The following MBD6 variants were observed in gnomAD, a reference collection of about 807,000 sequenced individuals.
The protein encoded by MBD6 is methyl-CpG binding domain protein 6, also known as methyl-CpG-binding domain protein 6.
Under a neutral mutation model 66.8 loss-of-function variants are expected in MBD6, and 22 were observed. That is an observed-to-expected ratio of 0.33 (90% CI 0.24 to 0.47). MBD6 has a LOEUF of 0.47. MBD6 is among the 20% of genes least tolerant of loss of function. The pLI, the probability that MBD6 is intolerant of heterozygous loss-of-function variation, is 1.00. For synonymous variants in MBD6, 540 were observed against 534.6 expected (o/e 1.01, Z -0.14); for missense variants, 1,322 against 1,286.9 (o/e 1.03, Z -0.42).
chr12:57,524,623 C>T lies in MBD6; in HGVS notation c.114-97C>T, dbSNP rs1378189525. 5.8e-6 allele frequency: 7 copies of T among 1,208,894 alleles called. No individual in the cohort carries two copies. In the African/African-American group the frequency reaches 6.0e-5, roughly 10 times the overall value. 74.9% of individuals were successfully genotyped at this position (1,208,894 alleles called of 1,614,324 possible). A position where few individuals can be genotyped will look rare whatever the true frequency, so the allele number is the denominator to read the frequency against. On this transcript the variant is annotated intron_variant, in intron 3 of 12. Coordinates refer to ENST00000355673, the MANE Select transcript of MBD6 (RefSeq NM_052897.4). ...CTTCCCACATTCCTTATCCTCTGTT[C>T]TTCTAGGAGGATCTGTAACTTAAGC...
chr12:57,528,185 C>G lies in MBD6; in HGVS notation c.2445C>G (p.Pro815=). ...AGCCAGAAGCCCCCTGTCTACCCCC[C>G]GAGAGCCCTGCCTCAGCCCTCGAAC... The part of the protein sequence containing the change: ...PEQPEAPCLP[P]ESPASALEPE... Residue 815 remains proline, a synonymous_variant, in exon 10 of 13, where the codon CCC becomes CCG. Coordinates refer to ENST00000355673, the MANE Select transcript of MBD6 (RefSeq NM_052897.4). 2 of 1,611,056 alleles carry G rather than the reference C, an allele frequency of 1.2e-6. No homozygotes were observed. The highest frequency in any genetic ancestry group is 1.7e-6 in the Non-Finnish European group (2 of 1,179,016).
chr12:57,524,862 C>G, intron 4 of MBD6, 40 bp downstream of exon 4: 1 of 1,613,234 alleles, frequency 6.2e-7, no homozygotes, highest in Non-Finnish European at 8.5e-7. Context: ...CAGAGATAAG[C>G]TAAAAGTCTT....
rs1026593616 is a variant in MBD6 at position 57,527,212 on chromosome 12, G to A, written c.2067G>A (p.Ser689=). The part of the protein sequence containing the change: ...ALLAATLDPP[S]GTPPQPCVLS... ...TGGCTGCCACCCTGGATCCCCCCTC[G>A]GGGACACCCCCCCAGGTGAGGATGG... is the stretch of plus-strand genomic sequence containing the variant. Residue 689 remains serine (S), a synonymous_variant, in exon 7 of 13, where the codon TCG becomes TCA. Transcript: ENST00000355673. 5 of 1,510,894 alleles carry A rather than the reference G, an allele frequency of 3.3e-6. No individual in the cohort carries two copies. Among genetic ancestry groups the A allele is most frequent in the Non-Finnish European group, 2.7e-6 (3 of 1,131,380 alleles). 93.6% of individuals were successfully genotyped at this position (1,510,894 alleles called of 1,614,324 possible).
chr12:57,528,961 C>T lies in MBD6; in HGVS notation c.2889C>T (p.Ser963=). Residue 963 remains serine (S), a synonymous_variant, in exon 12 of 13, where the codon AGC becomes AGT. Transcript: ENST00000355673. The part of the protein sequence containing the change: ...RRRKYNPTRN[S]NSSRQDITLE... ...CTTATTGCAGCCCTACCCGGAACAG[C>T]AATAGCTCCCGCCAGGACATTACCT... The T allele has an allele frequency of 6.2e-7, 1 of 1,614,148 alleles. No homozygotes were observed. Among genetic ancestry groups the T allele is most frequent in the Non-Finnish European group, 8.5e-7 (1 of 1,180,032 alleles).
Position 57,527,831 on chromosome 12 carries a change from C to G in MBD6, c.2237-17C>G. ...GGTTTGCCTAGGGAGAGACCCCTGA[C>G]TATAATTTCTCAACAGGTGACCTGT... On this transcript the variant is annotated splice_polypyrimidine_tract_variant and intron_variant, in intron 8 of 12. Coordinates refer to ENST00000355673, the MANE Select transcript of MBD6 (RefSeq NM_052897.4). 1 of 1,611,810 alleles carries G rather than the reference C, an allele frequency of 6.2e-7. No individual in the cohort carries two copies. Among genetic ancestry groups the G allele is most frequent in the Non-Finnish European group, 8.5e-7 (1 of 1,179,458 alleles).
Position 57,527,537 on chromosome 12 carries a change from C to G in MBD6, c.2113C>G (p.Pro705Ala), listed in dbSNP as rs1334877741. 1.2e-6 allele frequency: 2 copies of G among 1,614,160 alleles called. No homozygotes were observed. Among genetic ancestry groups the G allele is most frequent in the Non-Finnish European group, 1.7e-6 (2 of 1,180,026 alleles). Reference protein sequence around the residue: ...PCVLSAPQPGPPTSSVTTATT... With the variant: ...PCVLSAPQPGAPTSSVTTATT... ...TGTCCTGAGTGCCCCCCAACCTGGA[C>G]CACCTACCTCCAGTGTCACCACGGC... The change falls in exon 8 of 13, where the codon CCA (proline) becomes GCA (alanine). Residue 705 changes from proline to alanine, a missense_variant. Coordinates refer to ENST00000355673, the MANE Select transcript of MBD6 (RefSeq NM_052897.4).
At chr12:57,528,755 T>C (rs376429791) in intron 11 of MBD6, 37 bp downstream of exon 11, 1 of 1,613,318 alleles carries the variant, frequency 6.2e-7, no homozygotes, top group Non-Finnish European at 8.5e-7. Flanking sequence ...GGCCTTTGCC[T>C]ACTTCTTTTT....
chr12:57,524,610 C>G lies in MBD6; in HGVS notation c.114-110C>G, dbSNP rs760839928. The G allele has an allele frequency of 1.2e-5, 14 of 1,164,846 alleles. 1 individual carries two copies. The South Asian group carries it at 1.8e-4, about 15-fold the overall frequency. 72.2% of individuals were successfully genotyped at this position (1,164,846 alleles called of 1,614,324 possible). A position where few individuals can be genotyped will look rare whatever the true frequency, so the allele number is the denominator to read the frequency against. On this transcript the variant is annotated intron_variant, in intron 3 of 12. Transcript: ENST00000355673. Reference sequence around the variant, plus strand: ...CCTTTTTCTGTGTCTTCCCACATTCCTTATCCTCTGTTCTTCTAGGAGGAT... The same window carrying G: ...CCTTTTTCTGTGTCTTCCCACATTCGTTATCCTCTGTTCTTCTAGGAGGAT...
chr12:57,526,245 C>T lies in MBD6; in HGVS notation c.1277C>T (p.Ser426Phe), dbSNP rs765647683. Residue 426 changes from serine to phenylalanine, a missense_variant, in exon 6 of 13, where the codon TCT becomes TTT. Transcript: ENST00000355673. The stretch of plus-strand genomic sequence containing the variant: ...CTCCCCACCCCTGGCCCTTCCCACT[C>T]TGATGGAAGCTTTAACCTTTTGGGG... ...LGLPTPGPSH[S>F]DGSFNLLGSD... 20 of 1,614,070 alleles carry T rather than the reference C, an allele frequency of 1.2e-5. No homozygotes were observed. Among genetic ancestry groups the T allele is most frequent in the Non-Finnish European group, 1.6e-5 (19 of 1,180,010 alleles).
chr12:57,527,561 G>A lies in MBD6; in HGVS notation c.2137G>A (p.Ala713Thr), dbSNP rs1446610647. Reference protein sequence around the residue: ...PGPPTSSVTTATTDPGASSLG... With the variant: ...PGPPTSSVTTTTTDPGASSLG... Reference sequence around the variant, plus strand: ...ACCACCTACCTCCAGTGTCACCACGGCAACTACTGACCCGGGGGCCTCCTC... The same window carrying A: ...ACCACCTACCTCCAGTGTCACCACGACAACTACTGACCCGGGGGCCTCCTC... Residue 713 changes from alanine to threonine, a missense_variant, in exon 8 of 13, where the codon GCA becomes ACA. By Grantham distance (58) the Ala-to-Thr change is moderately conservative. Transcript: ENST00000355673. 1 of 1,613,960 alleles carries A rather than the reference G, an allele frequency of 6.2e-7. No individual in the cohort carries two copies. The highest frequency in any genetic ancestry group is 1.7e-5 in the Admixed American group (1 of 59,996).
At chr12:57,527,795 T>G in intron 8 of MBD6, 53 bp from the exon 9 acceptor site, 1 of 1,596,052 alleles carries the variant, frequency 6.3e-7, no homozygotes, top group Non-Finnish European at 8.5e-7. Context: ...GTAGGTCTGC[T>G]CAGCCTAATT....
intron 7 of MBD6, 134 bp downstream of exon 7, chr12:57,527,361 G>T: frequency 8.4e-7 from 1 of 1,184,610 alleles, no homozygotes; most frequent in South Asian, 1.4e-5. Context: ...CTTGGCTGGG[G>T]GTAGGATGAC....
chr12:57,524,678 C>G, intron 3 of MBD6, 42 bp from the exon 4 acceptor site: 1 of 1,580,302 alleles, frequency 6.3e-7, no homozygotes, highest in South Asian at 1.1e-5. Flanking sequence ...GCCTGATTCG[C>G]TGCCAGCTAA....
In MBD6 at chr12:57,528,948, C is replaced by T. The variant is rs2140100518; in HGVS notation, c.2876C>T (p.Pro959Leu). 1 of 1,614,140 alleles carries T rather than the reference C, an allele frequency of 6.2e-7. No individual in the cohort carries two copies. Among genetic ancestry groups the T allele is most frequent in the South Asian group, 1.1e-5 (1 of 91,082 alleles). ...SRRGRRRKYN[P>L]TRNSNSSRQD... ...ATCATCTGTGCCCCTTATTGCAGCC[C>T]TACCCGGAACAGCAATAGCTCCCGC... The change falls in exon 12 of 13, where the codon CCT becomes CTT. Residue 959 changes from proline to leucine, a missense_variant and splice_region_variant. Physicochemically the swap from Pro to Leu is moderately conservative, Grantham distance 98. Coordinates refer to ENST00000355673, the MANE Select transcript of MBD6 (RefSeq NM_052897.4).
Position 57,525,379 on chromosome 12 carries a change from T to C in MBD6, c.411T>C (p.Thr137=). Residue 137 remains threonine, a synonymous_variant, in exon 6 of 13, where the codon ACT becomes ACC. Coordinates refer to ENST00000355673, the MANE Select transcript of MBD6 (RefSeq NM_052897.4). ...GAGCGAGCCCCCAAATGTTCCACAC[T>C]GTGTCCCCAGGGCCCCCCTCTGCCC... ...GEGASPQMFH[T]VSPGPPSARP... 1 of 1,565,788 alleles carries C rather than the reference T, an allele frequency of 6.4e-7. No homozygotes were observed.
At chr12:57,521,478 A>C (rs1565658145), upstream of MBD6, 1 of 152,396 alleles carries the variant, frequency 6.6e-6, no homozygotes, top group African/African-American at 2.4e-5. Flanking sequence ...AACAAAAAAC[A>C]AAACAAACAA....
chr12:57,526,108 C>T lies in MBD6; in HGVS notation c.1140C>T (p.Gly380=). ...PTVFRLLEGR[G]PQTPRRSRPR... ...TATTTCGATTGCTAGAAGGGAGAGG[C>T]CCTCAAACCCCTAGACGGAGCCGTC... Residue 380 remains glycine, a synonymous_variant, in exon 6 of 13, where the codon GGC becomes GGT. Transcript: ENST00000355673. 1.2e-6 allele frequency: 2 copies of T among 1,614,058 alleles called. No individual in the cohort carries two copies. The highest frequency in any genetic ancestry group is 1.7e-6 in the Non-Finnish European group (2 of 1,179,988).
intron 6 of MBD6, 52 bp downstream of exon 6, chr12:57,526,440 A>C: frequency 6.5e-7 from 1 of 1,531,050 alleles, no homozygotes; most frequent in Non-Finnish European, 8.8e-7. Context: ...AGAGGCAGCC[A>C]AGGCATTTAG....
Position 57,524,052 on chromosome 12 carries a change from G to T in MBD6, c.-65G>T. The T allele has an allele frequency of 3.1e-6, 1 of 325,196 alleles. No homozygotes were observed. The allele number at this position is 325,196 out of a possible 1,614,324, so 20.1% of individuals were successfully genotyped here. On this transcript the variant is annotated 5_prime_UTR_variant, in exon 2 of 13. Transcript: ENST00000355673. ...AGGTGTGGGCTAAGCTGGTGGCCCC[G>T]GCTTTAGACTGGACCCCACAATGTT...
Sources: gnomAD v4.1 joint callset for allele counts on GRCh38, gnomAD v4.1.1 for gene constraint, MANE v1.5 for transcripts, NCBI Gene and HGNC (gene_info 2026-07-23, HGNC 2026-07-21) for gene names.